Variants in RTEL1 observed in about 807,000 individuals in gnomAD.
RTEL1 encodes regulator of telomere length.
A neutral mutation model predicts 162.2 loss-of-function variants in RTEL1; 86 were observed. That is an observed-to-expected ratio of 0.53 (90% CI 0.45 to 0.63). The LOEUF (loss-of-function observed/expected upper bound fraction) is 0.63. Among genes scored for constraint, RTEL1 ranks in the 30% least tolerant of loss-of-function variants. The probability of loss-of-function intolerance (pLI) is 0.00; values close to 1 mark genes in which losing one functional copy is unlikely to be tolerated. For missense variants in RTEL1, 1,941 were observed against 1,750.2 expected (o/e 1.11, Z -1.95); for synonymous variants, 958 against 717.9 (o/e 1.33, Z -5.35).
chr20:63,693,830 T>G (rs1158322820), intron 30 of RTEL1, among the ~76,000 whole-genome samples: 1 of 139,748 alleles, frequency 7.2e-6, no homozygotes, highest in Non-Finnish European at 1.6e-5. Flanking sequence ...GTCCCTGCCA[T>G]AGCCCCGACC....
At chr20:63,667,787 G>A (rs1206566066) in intron 8 of RTEL1, among the ~76,000 whole-genome samples, 1 of 152,088 alleles carries the variant, frequency 6.6e-6, no homozygotes, top group Non-Finnish European at 1.5e-5. Context: ...GTGGGAGTGA[G>A]GAGAGACCTC....
chr20:63,683,558 C>T (rs1168232683), intron 14 of RTEL1, among the ~76,000 whole-genome samples: 1 of 152,246 alleles, frequency 6.6e-6, no homozygotes. Flanking sequence ...GTTGCCAAGT[C>T]TCTGTGTTCC....
rs926631170 is a variant in RTEL1, at chr20:63,668,930, C to T, written c.699+1377C>T. ...AGGTGGAGATGGCCCAGCTCAGGCA[C>T]AGGCCTGCAGGCCATGGAGAAGGCA... On this transcript the variant is annotated intron_variant, in intron 8 of 34. Coordinates refer to ENST00000360203, the MANE Select transcript of RTEL1 (RefSeq NM_001283009.2). The surrounding 1 kb of genome is among the most constrained non-coding windows in gnomAD (Gnocchi z 4.3). Among the ~76,000 whole-genome samples the T allele has an allele frequency of 6.6e-6, 1 of 152,196 alleles. No individual in the cohort carries two copies. Among genetic ancestry groups the T allele is most frequent in the African/African-American group, 2.4e-5 (1 of 41,450 alleles).
chr20:63,665,349 G>A (rs2090105589), intron 6 of RTEL1: 1 of 152,482 alleles, frequency 6.6e-6, no homozygotes, highest in African/African-American at 2.4e-5. Flanking sequence ...AATTCTTGTG[G>A]TTCCAGTTTG....
rs768191731 is a variant in RTEL1, at chr20:63,687,699, G to T, written c.1410G>T (p.Gln470His). 32 of 1,606,458 alleles carry T rather than the reference G, an allele frequency of 2.0e-5. No individual in the cohort carries two copies. Among genetic ancestry groups the T allele is most frequent in the Non-Finnish European group, 2.3e-5 (27 of 1,178,174 alleles). The change falls in exon 17 of 35, where the codon CAG (glutamine) becomes CAT (histidine). Residue 470 changes from glutamine (Q) to histidine (H), a missense_variant. Physicochemically the swap from Gln to His is conservative, Grantham distance 24 (BLOSUM62 0). Transcript: ENST00000360203. ...PGHSMHELVR[Q>H]GVRSLILTSG... Reference sequence around the variant, plus strand: ...ACAGCATGCACGAGCTGGTCCGCCAGGGCGTCCGCTCCCTCATCCTTACCA... The same window carrying T: ...ACAGCATGCACGAGCTGGTCCGCCATGGCGTCCGCTCCCTCATCCTTACCA...
rs2090787316 is a variant in RTEL1 at position 63,692,881 on chromosome 20, C to G, written c.2729C>G (p.Ala910Gly). ...GCCGTGAAGCAGGAGTTGAGCCAAGCCAACTTTGCCACCTTCACCCAGGCC... is the reference window on the plus strand; with the variant it reads ...GCCGTGAAGCAGGAGTTGAGCCAAGGCAACTTTGCCACCTTCACCCAGGCC... The part of the protein sequence containing the change: ...MVAVKQELSQ[A>G]NFATFTQALQ... The change falls in exon 29 of 35, where the codon GCC becomes GGC. Residue 910 changes from alanine to glycine, a missense_variant. Coordinates refer to ENST00000360203, the MANE Select transcript of RTEL1 (RefSeq NM_001283009.2). The G allele has an allele frequency of 3.1e-6, 5 of 1,612,520 alleles. No homozygotes were observed. The highest frequency in any genetic ancestry group is 2.7e-5 in the African/African-American group (2 of 74,924).
chr20:63,670,637 C>T (rs1372325974), intron 8 of RTEL1, among the ~76,000 whole-genome samples: 1 of 152,190 alleles, frequency 6.6e-6, no homozygotes, highest in Non-Finnish European at 1.5e-5. Flanking sequence ...TGTGTAGCCA[C>T]TCCACAAACG....
intron 30 of RTEL1, among the ~76,000 whole-genome samples, 197 bp downstream of exon 30, chr20:63,693,480 TCCA>T (rs1568720161): frequency 0.069 from 372 of 5,402 alleles, 48 homozygotes; most frequent in Middle Eastern, 0.12. Context: ...CACCTCCACC[TCCA>T]CCACCACCTC....
Position 63,695,920 on chromosome 20 carries a change from T to A in RTEL1, c.*62T>A, listed in dbSNP as rs1174631229. 5 of 1,501,032 alleles carry A rather than the reference T, an allele frequency of 3.3e-6. No individual in the cohort carries two copies. Among genetic ancestry groups the A allele is most frequent in the Non-Finnish European group, 4.5e-6 (5 of 1,109,766 alleles). 93.0% of individuals were successfully genotyped at this position (1,501,032 alleles called of 1,614,324 possible). A position where few individuals can be genotyped will look rare whatever the true frequency, so the allele number is the denominator to read the frequency against. ...TGATCACCTGCCTGTCCAGCTCTGG[T>A]GGGCCAAGAACCCACCCAACAGAAT... On this transcript the variant is annotated 3_prime_UTR_variant, in exon 35 of 35. Coordinates refer to ENST00000360203, the MANE Select transcript of RTEL1 (RefSeq NM_001283009.2).
intron 30 of RTEL1, 74 bp from the exon 31 acceptor site, chr20:63,694,298 A>AGGCCC: frequency 6.7e-5 from 57 of 845,264 alleles, no homozygotes; most frequent in East Asian, 2.0e-4. Context: ...CTCCCTAGCC[A>AGGCCC]GCCCTGCCCC....
At position 63,688,869 on chromosome 20, in the gene RTEL1, C is replaced by G. The variant is rs773765836; in HGVS notation, c.1801-186C>G. On this transcript the variant is annotated intron_variant, in intron 21 of 34. Coordinates refer to ENST00000360203, the MANE Select transcript of RTEL1 (RefSeq NM_001283009.2). The stretch of plus-strand genomic sequence containing the variant: ...CTGGCCCTGGGGTTCCCCGTGTTTT[C>G]TGGGAAGCACTGAGCAGGCGTGGGG... The G allele has an allele frequency of 8.5e-4, 581 of 685,592 alleles. 6 individuals are homozygous for G. Among genetic ancestry groups the G allele is most frequent in the Non-Finnish European group, 2.8e-4 (112 of 400,398 alleles). 42.5% of individuals were successfully genotyped at this position (685,592 alleles called of 1,614,324 possible).
In RTEL1 at chr20:63,695,589, C is replaced by G; in HGVS notation, c.3761C>G (p.Pro1254Arg). The G allele has an allele frequency of 1.2e-6, 2 of 1,612,090 alleles. No homozygotes were observed. Among genetic ancestry groups the G allele is most frequent in the Non-Finnish European group, 8.5e-7 (1 of 1,179,900 alleles). Residue 1254 changes from proline (P) to arginine (R), a missense_variant, in exon 34 of 35, where the codon CCC becomes CGC. Coordinates refer to ENST00000360203, the MANE Select transcript of RTEL1 (RefSeq NM_001283009.2). ...CQGCGAEDVV[P>R]FQCPACDFQR... ...GGCTGTGGGGCAGAGGACGTGGTGC[C>G]CTTCCAGTGCCCTGCCTGTGACTTC... is the stretch of plus-strand genomic sequence containing the variant.
chr20:63,689,367 G>T, intron 22 of RTEL1, 135 bp from the exon 23 acceptor site: 2 of 1,092,062 alleles, frequency 1.8e-6, no homozygotes, highest in Non-Finnish European at 2.6e-6. Flanking sequence ...CCCCAAGTGG[G>T]GTCCTGACCC....
At chr20:63,694,315 C>CCCCCGG in intron 30 of RTEL1, 57 bp from the exon 31 acceptor site, 3 of 1,225,476 alleles carry the variant, frequency 2.4e-6, no homozygotes, top group Non-Finnish European at 3.6e-6. Context: ...CCCCCCCACC[C>CCCCCGG]CAGGGAACTT....
chr20:63,695,067 G>T lies in RTEL1; in HGVS notation c.3345G>T (p.Arg1115Ser), dbSNP rs752407024. ...AKPEDFPLLH[R>S]FSMFVRPHHK... ...GGGTCTGATTGAAGCTCCCCGCAGG[G>T]TTCAGCATGTTTGTGCGTCCACACC... The change falls in exon 33 of 35, where the codon AGG becomes AGT. Residue 1115 changes from arginine to serine, a missense_variant and splice_region_variant. Coordinates refer to ENST00000360203, the MANE Select transcript of RTEL1 (RefSeq NM_001283009.2). 2.5e-6 allele frequency: 4 copies of T among 1,612,054 alleles called. No homozygotes were observed. The highest frequency in any genetic ancestry group is 2.7e-5 in the African/African-American group (2 of 74,904).
intron 7 of RTEL1, 122 bp downstream of exon 7, chr20:63,666,201 C>T: frequency 2.5e-6 from 2 of 790,286 alleles, no homozygotes; most frequent in South Asian, 3.5e-5. Flanking sequence ...TGAAACTAAC[C>T]ACCATTCAGT....
intron 9 of RTEL1, among the ~76,000 whole-genome samples, chr20:63,673,604 A>C (rs1003792796): frequency 6.6e-6 from 1 of 151,630 alleles, no homozygotes; most frequent in Non-Finnish European, 1.5e-5. Flanking sequence ...ACGCCCGGCT[A>C]ATTTTTGTAT....
chr20:63,667,546 A>C lies in RTEL1; in HGVS notation c.692A>C (p.Asp231Ala). ...IIFMPYNYLL[D>A]AKSRRAHNID... ...TTCATGCCGTACAATTACTTGTTGG[A>C]TGCCAAGGTGGGGGCTCAGTCCTGT... Residue 231 changes from aspartate (D) to alanine (A), a missense_variant, in exon 8 of 35, where the codon GAT (aspartate) becomes GCT (alanine). Asp to Ala is a moderately radical substitution (Grantham distance 126). Transcript: ENST00000360203. 1 of 1,613,694 alleles carries C rather than the reference A, an allele frequency of 6.2e-7. No individual in the cohort carries two copies. Among genetic ancestry groups the C allele is most frequent in the Non-Finnish European group, 8.5e-7 (1 of 1,179,664 alleles).
At chr20:63,693,441 A>ACCT (rs1479955384) in intron 30 of RTEL1, among the ~76,000 whole-genome samples, 158 bp downstream of exon 30, 2 of 133,852 alleles carry the variant, frequency 1.5e-5, no homozygotes, top group African/African-American at 2.8e-5. Context: ...CACCACCAGC[A>ACCT]CCAGCAGCAC....
Sources: allele counts gnomAD v4.1 joint callset (sites outside exome capture counted in the v4.1 genomes callset), GRCh38; gene constraint gnomAD v4.1.1; non-coding constraint Gnocchi (gnomAD v3.1); transcripts MANE v1.5; gene names NCBI Gene and HGNC (gene_info 2026-07-23, HGNC 2026-07-21).